Variants in ADH4 observed in about 807,000 individuals in gnomAD.
The protein encoded by ADH4 is all-trans-retinol dehydrogenase [NAD(+)] ADH4.
A neutral mutation model predicts 35.2 loss-of-function variants in ADH4; 31 were observed. That is an observed-to-expected ratio of 0.88 (90% CI 0.66 to 1.19). The LOEUF (loss-of-function observed/expected upper bound fraction) is 1.19. ADH4 is among the 50% of genes most tolerant of loss of function. The probability of loss-of-function intolerance (pLI) is 0.00; values close to 1 mark genes in which losing one functional copy is unlikely to be tolerated. For missense variants in ADH4, 476 were observed against 458.3 expected (o/e 1.04, Z -0.35); for synonymous variants, 171 against 160.2 (o/e 1.07, Z -0.51).
intron 5 of ADH4, among the ~76,000 whole-genome samples, chr4:99,132,465 CCTGT>C (rs1311996742): frequency 6.6e-6 from 1 of 152,132 alleles, no homozygotes; most frequent in Non-Finnish European, 1.5e-5. Context: ...GAAATCAATG[CCTGT>C]CTTTTTGCTT....
At chr4:99,129,170 A>T (rs1351781570) in intron 6 of ADH4, among the ~76,000 whole-genome samples, 1 of 152,130 alleles carries the variant, frequency 6.6e-6, no homozygotes, top group African/African-American at 2.4e-5. Flanking sequence ...AAAAAGATAA[A>T]AAAAAGTAAG....
chr4:99,131,605 T>G lies in ADH4; in HGVS notation c.742A>C (p.Asn248His). ...ATCGGTTTATGTAAGTCTCTAGGAT[T>G]GAGGCAGTCAGTGGCTCCCAGGGCT... ...AKALGATDCL[N>H]PRDLHKPIQE... Residue 248 changes from asparagine (N) to histidine (H), a missense_variant, in exon 6 of 9, where the codon AAT becomes CAT. Transcript: ENST00000265512. 6.2e-7 allele frequency: 1 copy of G among 1,614,138 alleles called. No individual in the cohort carries two copies. Among genetic ancestry groups the G allele is most frequent in the Non-Finnish European group, 8.5e-7 (1 of 1,179,996 alleles).
chr4:99,140,214 T>A (rs1729567745), intron 3 of ADH4, among the ~76,000 whole-genome samples: 1 of 152,248 alleles, frequency 6.6e-6, no homozygotes, highest in Admixed American at 6.5e-5. Context: ...CTTTACATAG[T>A]TTGCTGTTAA....
chr4:99,143,434 GATGA>G (rs1729701455), intron 1 of ADH4: 1 of 403,198 alleles, frequency 2.5e-6, no homozygotes, highest in Non-Finnish European at 4.5e-6. Flanking sequence ...TTTGGGTAAA[GATGA>G]ATGAACAGAA....
chr4:99,124,136 C>A lies in ADH4; in HGVS notation c.*306G>T. On this transcript the variant is annotated 3_prime_UTR_variant, in exon 9 of 9. Transcript: ENST00000265512. Reference sequence around the variant, plus strand: ...TCTAAAAAAATTATAAACATATGGCCAATCTAGTTTTATTTATTATCTCTT... The same window carrying A: ...TCTAAAAAAATTATAAACATATGGCAAATCTAGTTTTATTTATTATCTCTT... 1 of 260,058 alleles carries A rather than the reference C, an allele frequency of 3.8e-6. No individual in the cohort carries two copies. The highest frequency in any genetic ancestry group is 7.1e-6 in the Non-Finnish European group (1 of 141,438). 16.1% of individuals were successfully genotyped at this position (260,058 alleles called of 1,614,324 possible). A position where few individuals can be genotyped will look rare whatever the true frequency, so the allele number is the denominator to read the frequency against.
At chr4:99,138,986 A>T in intron 4 of ADH4, 75 bp downstream of exon 4, 1 of 1,125,852 alleles carries the variant, frequency 8.9e-7, no homozygotes, top group South Asian at 1.5e-5. Flanking sequence ...CTTCAAGGCC[A>T]TTTAGGTAAT....
intron 4 of ADH4, among the ~76,000 whole-genome samples, chr4:99,138,013 A>T (rs1479798176): frequency 2.0e-5 from 3 of 152,186 alleles, no homozygotes; most frequent in African/African-American, 7.2e-5. Context: ...TGCTCATAAC[A>T]TTCCTGTAAT....
rs762208568 is a variant in ADH4, at chr4:99,139,093, C to G, written c.318G>C (p.Leu106=). ...TCCCACACAAATTTGTGAGTGGACTCAGACAAAACTTGCATTTTCTACATA... is the reference window on the plus strand; with the variant it reads ...TCCCACACAAATTTGTGAGTGGACTGAGACAAAACTTGCATTTTCTACATA... ...APLCRKCKFC[L]SPLTNLCGKI... is the part of the protein sequence containing the mutation. The change falls in exon 4 of 9, where the codon CTG becomes CTC. Residue 106 remains leucine (L), a synonymous_variant. Coordinates refer to ENST00000265512, the MANE Select transcript of ADH4 (RefSeq NM_000670.5). The G allele has an allele frequency of 1.9e-6, 3 of 1,613,316 alleles. No individual in the cohort carries two copies. The highest frequency in any genetic ancestry group is 2.2e-5 in the South Asian group (2 of 90,952).
At chr4:99,141,091 T>C (rs1463995976) in intron 3 of ADH4, among the ~76,000 whole-genome samples, 1 of 152,166 alleles carries the variant, frequency 6.6e-6, no homozygotes, top group Non-Finnish European at 1.5e-5. Context: ...CCCATTTGTG[T>C]CCATGTGTTC....
In ADH4 at chr4:99,142,989, T is replaced by C. The variant is rs1006548665; in HGVS notation, c.19-209A>G. 2.6e-5 allele frequency: 17 copies of C among 655,176 alleles called. No individual in the cohort carries two copies. The Admixed American group carries it at 4.3e-4, about 17-fold the overall frequency. 40.6% of individuals were successfully genotyped at this position (655,176 alleles called of 1,614,324 possible). The stretch of plus-strand genomic sequence containing the variant: ...AAAAATAAGAAGTTAAATTCTACAT[T>C]ATAGTCATTACATTTTTTATTTCTT... On this transcript the variant is annotated intron_variant, in intron 1 of 8. Coordinates refer to ENST00000265512, the MANE Select transcript of ADH4 (RefSeq NM_000670.5).
intron 1 of ADH4, among the ~76,000 whole-genome samples, chr4:99,143,955 C>G (rs1453322918): frequency 6.6e-6 from 1 of 152,152 alleles, no homozygotes; most frequent in African/African-American, 2.4e-5. Flanking sequence ...GGTTACAGCA[C>G]AGTTACTTAA....
chr4:99,127,169 A>G lies in ADH4; in HGVS notation c.979+40T>C, dbSNP rs370189152. On this transcript the variant is annotated intron_variant, in intron 7 of 8. Coordinates refer to ENST00000265512, the MANE Select transcript of ADH4 (RefSeq NM_000670.5). ...TCACTCTAAGAATTTCAGAACTACT[A>G]GGAAAAGAATTTAAAGCTATGAAGA... The G allele has an allele frequency of 2.9e-4, 441 of 1,530,110 alleles. 2 individuals are homozygous for G. The highest frequency in any genetic ancestry group is 2.9e-3 in the South Asian group (233 of 80,954). The allele number at this position is 1,530,110 out of a possible 1,614,324, so 94.8% of individuals were successfully genotyped here.
chr4:99,129,330 A>G (rs1729202419), intron 6 of ADH4, among the ~76,000 whole-genome samples: 1 of 152,138 alleles, frequency 6.6e-6, no homozygotes. Context: ...AAAAATTAGG[A>G]TAAGTCAGAA....
In ADH4 at chr4:99,131,748, G is replaced by A. The variant is rs1729281244; in HGVS notation, c.599C>T (p.Thr200Ile). 1.2e-6 allele frequency: 2 copies of A among 1,614,022 alleles called. No individual in the cohort carries two copies. The highest frequency in any genetic ancestry group is 1.1e-5 in the South Asian group (1 of 91,056). Residue 200 changes from threonine (T) to isoleucine (I), a missense_variant, in exon 6 of 9, where the codon ACT becomes ATT. Thr to Ile is a moderately conservative substitution (Grantham distance 89). Coordinates refer to ENST00000265512, the MANE Select transcript of ADH4 (RefSeq NM_000670.5). ...ACCTCCTAGGCCAAAGACAGCACAA[G>A]TCGAACCAGGGGTGACCTGCAAGCA... ...INNAKVTPGS[T>I]CAVFGLGGVG...
At chr4:99,134,162 G>A (rs1729366589) in intron 5 of ADH4, among the ~76,000 whole-genome samples, 1 of 152,164 alleles carries the variant, frequency 6.6e-6, no homozygotes, top group Non-Finnish European at 1.5e-5. Flanking sequence ...GGGGATAAAT[G>A]ACGAATAGGA....
intron 8 of ADH4, among the ~76,000 whole-genome samples, chr4:99,126,197 C>T (rs1729080950): frequency 6.6e-6 from 1 of 152,146 alleles, no homozygotes; most frequent in South Asian, 2.1e-4. Context: ...TGGTTTTCAC[C>T]CCATTCTGAT....
chr4:99,129,127 A>T (rs998395059), intron 6 of ADH4, among the ~76,000 whole-genome samples: 1 of 152,098 alleles, frequency 6.6e-6, no homozygotes, highest in Non-Finnish European at 1.5e-5. Context: ...ATAATTTTAC[A>T]TAATTTGGAA....
At chr4:99,127,588 G>T (rs1729139878) in intron 6 of ADH4, among the ~76,000 whole-genome samples, 1 of 152,128 alleles carries the variant, frequency 6.6e-6, no homozygotes, top group Non-Finnish European at 1.5e-5. Context: ...TAGAACTTTG[G>T]GTGGCCAAGG....
At position 99,136,588 on chromosome 4, in the gene ADH4, G is replaced by C; in HGVS notation, c.460C>G (p.Gln154Glu). 6.2e-7 allele frequency: 1 copy of C among 1,614,046 alleles called. No individual in the cohort carries two copies. Among genetic ancestry groups the C allele is most frequent in the South Asian group, 1.1e-5 (1 of 91,078 alleles). Residue 154 changes from glutamine to glutamate, a missense_variant, in exon 5 of 9, where the codon CAG (glutamine) becomes GAG (glutamate). Transcript: ENST00000265512. ...YHFFGTSTFSQYTVVSDINLA... is the reference protein window; with the variant it reads ...YHFFGTSTFSEYTVVSDINLA... ...TTGATATCTGACACCACAGTGTACT[G>C]AGAGAATGTACTGGTTCCAAAGAAA...
Sources: allele counts gnomAD v4.1 joint callset (sites outside exome capture counted in the v4.1 genomes callset), GRCh38; gene constraint gnomAD v4.1.1; transcripts MANE v1.5; gene names NCBI Gene and HGNC (gene_info 2026-07-23, HGNC 2026-07-21).